The following INO80 variants were observed in gnomAD, a reference collection of about 807,000 sequenced individuals.
INO80 encodes the protein chromatin-remodeling ATPase INO80.
A neutral mutation model predicts 203.4 loss-of-function variants in INO80; 20 were observed. The observed-to-expected ratio is 0.10, with a 90% CI of 0.07 to 0.14. INO80 has a LOEUF of 0.14. Ranked by LOEUF, INO80 falls within the 10% of genes least tolerant of loss-of-function variation. INO80 has a pLI of 1.00. For missense variants in INO80, 1,419 were observed against 1,914.4 expected (o/e 0.74, Z 4.83); for synonymous variants, 726 against 685.2 (o/e 1.06, Z -0.93).
intron 32 of INO80, among the ~76,000 whole-genome samples, 200 bp downstream of exon 32, chr15:40,985,138 T>C (rs1893972295): frequency 6.6e-6 from 1 of 151,922 alleles, no homozygotes; most frequent in Non-Finnish European, 1.5e-5. Flanking sequence ...TAAGGGTGAG[T>C]TTGTGTGGAG....
intron 4 of INO80, among the ~76,000 whole-genome samples, chr15:41,093,194 A>G (rs1156372138): frequency 1.3e-5 from 2 of 152,074 alleles, no homozygotes; most frequent in Non-Finnish European, 2.9e-5. Context: ...CGGGAGGCTG[A>G]GGCGGGGGGA....
At chr15:41,059,387 G>C (rs892771901) in intron 15 of INO80, among the ~76,000 whole-genome samples, 1 of 151,136 alleles carries the variant, frequency 6.6e-6, no homozygotes, top group Non-Finnish European at 1.5e-5. Flanking sequence ...CACTTTGGGA[G>C]GCCGAGGCAG....
At chr15:41,081,375 A>G (rs749227109) in intron 7 of INO80, among the ~76,000 whole-genome samples, 3 of 152,226 alleles carry the variant, frequency 2.0e-5, no homozygotes, top group Non-Finnish European at 4.4e-5. Flanking sequence ...CAATACCTAA[A>G]CCTTAGCACT....
chr15:40,987,930 C>T lies in INO80; in HGVS notation c.3615G>A (p.Gln1205=). The change falls in exon 30 of 36, where the codon CAG becomes CAA. Residue 1205 remains glutamine (Q), a synonymous_variant. Transcript: ENST00000648947. Reference sequence around the variant, plus strand: ...CTAAGCGGTGGGCCCTGTCCATGGCCTGCTGGTCCACAGTGGGGTTCCAGT... The same window carrying T: ...CTAAGCGGTGGGCCCTGTCCATGGCTTGCTGGTCCACAGTGGGGTTCCAGT... The part of the protein sequence containing the change: ...DSDWNPTVDQ[Q]AMDRAHRLGQ... 1 of 1,614,042 alleles carries T rather than the reference C, an allele frequency of 6.2e-7. No individual in the cohort carries two copies. Among genetic ancestry groups the T allele is most frequent in the Non-Finnish European group, 8.5e-7 (1 of 1,179,948 alleles).
chr15:40,987,348 T>C (rs540433345), intron 30 of INO80, among the ~76,000 whole-genome samples, 155 bp from the exon 31 acceptor site: 5 of 152,340 alleles, frequency 3.3e-5, no homozygotes, highest in African/African-American at 7.2e-5. Flanking sequence ...GTTCATCTGA[T>C]TGGCTCATCC....
At chr15:41,065,938 C>T (rs1469854422) in intron 14 of INO80, among the ~76,000 whole-genome samples, 2 of 150,498 alleles carry the variant, frequency 1.3e-5, no homozygotes, top group Non-Finnish European at 2.9e-5. Context: ...AACTAGACAG[C>T]AGTGATGGTT....
At chr15:41,060,022 T>G (rs1210605905) in intron 14 of INO80, 96 bp from the exon 15 acceptor site, 4 of 835,534 alleles carry the variant, frequency 4.8e-6, no homozygotes, top group Non-Finnish European at 5.6e-6. Flanking sequence ...AAGAAACTAA[T>G]AAAATGAGCA....
At chr15:41,091,239 T>C (rs923912126) in intron 5 of INO80, among the ~76,000 whole-genome samples, 1 of 152,108 alleles carries the variant, frequency 6.6e-6, no homozygotes, top group Non-Finnish European at 1.5e-5. Flanking sequence ...TTTGTATTTT[T>C]AGTAGAGATG....
rs111767851 is a variant in INO80 at position 41,056,610 on chromosome 15, A to T, written c.2070+12T>A. 4.2e-3 allele frequency: 6,716 copies of T among 1,595,476 alleles called. 30 individuals are homozygous for T. The highest frequency in any genetic ancestry group is 5.1e-3 in the Non-Finnish European group (5,968 of 1,163,074). On this transcript the variant is annotated intron_variant, in intron 17 of 35. Coordinates refer to ENST00000648947, the MANE Select transcript of INO80 (RefSeq NM_017553.3). ...ATGAAGATATAAACCTGTGACCTGG[A>T]CTAGTGCCTACCTCTGCCATGGTGT...
intron 4 of INO80, among the ~76,000 whole-genome samples, chr15:41,093,028 C>T (rs1457675890): frequency 6.6e-6 from 1 of 152,138 alleles, no homozygotes; most frequent in African/African-American, 2.4e-5. Context: ...GAGCAAGAGC[C>T]TGTCTCCTAA....
At chr15:41,039,264 A>G (rs544637053) in intron 24 of INO80, among the ~76,000 whole-genome samples, 15 of 152,316 alleles carry the variant, frequency 9.8e-5, no homozygotes, top group African/African-American at 3.6e-4. Flanking sequence ...GGCATGAGCC[A>G]ACACCACACC....
At chr15:41,059,008 G>A (rs1263447160) in intron 15 of INO80, among the ~76,000 whole-genome samples, 1 of 152,122 alleles carries the variant, frequency 6.6e-6, no homozygotes, top group African/African-American at 2.4e-5. Flanking sequence ...CTAGAGTCCA[G>A]CAGCGTGAAC....
intron 26 of INO80, among the ~76,000 whole-genome samples, chr15:41,020,208 G>A (rs972128793): frequency 3.3e-5 from 5 of 152,068 alleles, no homozygotes; most frequent in Middle Eastern, 3.4e-3. Flanking sequence ...GCAACAGAGC[G>A]GGACTCCATC....
intron 24 of INO80, among the ~76,000 whole-genome samples, chr15:41,038,829 TC>T (rs567970489): frequency 5.9e-5 from 9 of 152,156 alleles, no homozygotes; most frequent in Non-Finnish European, 1.2e-4. Context: ...ATAACAAAGA[TC>T]CCAACTGGTT....
chr15:41,062,506 G>A lies in INO80; in HGVS notation c.1783-2580C>T, dbSNP rs145174400. Among the ~76,000 whole-genome samples the A allele has an allele frequency of 1.1e-4, 16 of 152,256 alleles. No individual in the cohort carries two copies. In the South Asian group the frequency reaches 1.5e-3, roughly 14 times the overall value. On this transcript the variant is annotated intron_variant, in intron 14 of 35. Transcript: ENST00000648947. ...GGAGATCACACCACTGCACTGAAGC[G>A]TGGGTGACAGAGTGAGACTCTGTCT...
chr15:41,098,803 T>TAAG (rs1029244266), intron 1 of INO80, among the ~76,000 whole-genome samples: 9 of 152,090 alleles, frequency 5.9e-5, no homozygotes, highest in Non-Finnish European at 8.8e-5. Flanking sequence ...TACAACTCTA[T>TAAG]AAGATAAATA....
intron 35 of INO80, among the ~76,000 whole-genome samples, chr15:40,981,451 G>A (rs1350746942): frequency 2.0e-5 from 3 of 151,604 alleles, no homozygotes; most frequent in African/African-American, 7.2e-5. Context: ...GAAACACTGG[G>A]CGAGGCTATT....
chr15:40,984,035 A>C, intron 33 of INO80, 114 bp from the exon 34 acceptor site: 1 of 1,385,584 alleles, frequency 7.2e-7, no homozygotes, highest in Non-Finnish European at 1.0e-6. Context: ...TGAGAAACCA[A>C]CCTGTCCTCA....
chr15:41,048,245 C>G lies in INO80; in HGVS notation c.2608G>C (p.Asp870His). 2 of 1,613,448 alleles carry G rather than the reference C, an allele frequency of 1.2e-6. No individual in the cohort carries two copies. The highest frequency in any genetic ancestry group is 1.1e-5 in the South Asian group (1 of 91,046). The change falls in exon 22 of 36, where the codon GAC becomes CAC. Residue 870 changes from aspartate to histidine, a missense_variant. Coordinates refer to ENST00000648947, the MANE Select transcript of INO80 (RefSeq NM_017553.3). ...WLRVLSPFAP[D>H]YIQRSLFHRK... ...TGAAAGAGAGACCGTTGGATATAGT[C>G]TGGTGCAAATGGAGAAAGAACCCTT...
Sources: allele counts gnomAD v4.1 joint callset (sites outside exome capture counted in the v4.1 genomes callset), GRCh38; gene constraint gnomAD v4.1.1; transcripts MANE v1.5; gene names NCBI Gene and HGNC (gene_info 2026-07-23, HGNC 2026-07-21).